The following ATP8B4 variants were observed in gnomAD, a reference collection of about 807,000 sequenced individuals.
ATP8B4 encodes probable phospholipid-transporting ATPase IM.
A neutral mutation model predicts 145.6 loss-of-function variants in ATP8B4; 133 were observed. The ratio of observed to expected loss-of-function variants is 0.91; its 90% CI spans 0.79 to 1.05. The LOEUF is 1.05. Ranked by LOEUF, ATP8B4 falls within the 50% of genes least tolerant of loss-of-function variation. The pLI, the probability that ATP8B4 is intolerant of heterozygous loss-of-function variation, is 0.00. For synonymous variants in ATP8B4, 507 were observed against 492.9 expected (o/e 1.03, Z -0.38); for missense variants, 1,458 against 1,425.2 (o/e 1.02, Z -0.37).
At chr15:50,016,108 T>A (rs998816020) in intron 6 of ATP8B4, among the ~76,000 whole-genome samples, 1 of 152,230 alleles carries the variant, frequency 6.6e-6, no homozygotes, top group African/African-American at 2.4e-5. Flanking sequence ...CACAATTTAG[T>A]CTTCCTATTT....
intron 3 of ATP8B4, among the ~76,000 whole-genome samples, chr15:50,073,075 A>G (rs575163112): frequency 1.5e-4 from 21 of 141,826 alleles, no homozygotes; most frequent in East Asian, 4.2e-4. Context: ...GCATATATAT[A>G]TGTGTGTGTG....
chr15:50,138,128 T>A (rs28403229), intron 1 of ATP8B4, among the ~76,000 whole-genome samples: 76,410 of 151,882 alleles, frequency 0.5, 21,117 homozygotes, highest in African/African-American at 0.74. Flanking sequence ...GAGGGTAGAT[T>A]GGTGCAATCT....
chr15:50,130,975 A>G (rs970907422), intron 1 of ATP8B4, among the ~76,000 whole-genome samples: 1 of 152,156 alleles, frequency 6.6e-6, no homozygotes, highest in African/African-American at 2.4e-5. Flanking sequence ...AGTTCTCAGG[A>G]AACTTACAAT....
chr15:50,018,536 T>A (rs1051381966), intron 6 of ATP8B4, among the ~76,000 whole-genome samples: 3 of 152,190 alleles, frequency 2.0e-5, no homozygotes, highest in Non-Finnish European at 4.4e-5. Flanking sequence ...CCGGAGTATA[T>A]GGATATCTTC....
chr15:50,072,229 C>T (rs2053791704), intron 3 of ATP8B4, among the ~76,000 whole-genome samples: 1 of 152,038 alleles, frequency 6.6e-6, no homozygotes, highest in South Asian at 2.1e-4. Flanking sequence ...TCTCATATTT[C>T]TATGCTTTAA....
chr15:49,917,147 G>T, intron 19 of ATP8B4, 108 bp from the exon 20 acceptor site: 1 of 1,012,778 alleles, frequency 9.9e-7, no homozygotes. Context: ...GCCTACAGGG[G>T]GCTGATGTCA....
intron 5 of ATP8B4, among the ~76,000 whole-genome samples, chr15:50,039,053 C>T (rs1315277966): frequency 6.6e-6 from 1 of 152,186 alleles, no homozygotes; most frequent in Non-Finnish European, 1.5e-5. Context: ...AACAACAAGG[C>T]TAGCCACTAC....
chr15:50,033,788 C>T (rs2050624154), intron 6 of ATP8B4, among the ~76,000 whole-genome samples: 1 of 152,142 alleles, frequency 6.6e-6, no homozygotes, highest in African/African-American at 2.4e-5. Context: ...TAACTAGCCC[C>T]CACTTATAAG....
Position 50,054,374 on chromosome 15 carries a change from G to A in ATP8B4, c.88-6910C>T, listed in dbSNP as rs564610402. 1.4e-4 allele frequency among the ~76,000 whole-genome samples: 22 copies of A among 152,300 alleles called. No individual in the cohort carries two copies. In the South Asian group the frequency reaches 4.4e-3, roughly 30 times the overall value. On this transcript the variant is annotated intron_variant, in intron 3 of 27. Coordinates refer to ENST00000284509, the MANE Select transcript of ATP8B4 (RefSeq NM_024837.4). ...TTACTGGCCAAAAGAGTCACCATGG[G>A]TCCAAAAGACAGAAAGCTAGAAACA...
chr15:50,104,927 T>C (rs1379471106), intron 2 of ATP8B4, among the ~76,000 whole-genome samples: 1 of 147,658 alleles, frequency 6.8e-6, no homozygotes, highest in Non-Finnish European at 1.5e-5. Context: ...GCCATAAGAA[T>C]GAACGAAATA....
chr15:50,035,743 T>G (rs567170297), intron 6 of ATP8B4, among the ~76,000 whole-genome samples: 15 of 152,264 alleles, frequency 9.9e-5, no homozygotes, highest in Admixed American at 7.8e-4. Flanking sequence ...CAGTAATCAC[T>G]TACAAGGACC....
intron 20 of ATP8B4, among the ~76,000 whole-genome samples, chr15:49,916,111 A>G (rs1052631996): frequency 1.3e-5 from 2 of 152,104 alleles, no homozygotes; most frequent in African/African-American, 2.4e-5. Flanking sequence ...TAGAGAAGCT[A>G]CTACAAGCAG....
intron 1 of ATP8B4, among the ~76,000 whole-genome samples, chr15:50,172,053 T>A (rs2140869135): frequency 6.6e-6 from 1 of 152,228 alleles, no homozygotes; most frequent in Non-Finnish European, 1.5e-5. Context: ...ATTGAAATGG[T>A]AAATTAAAAA....
intron 1 of ATP8B4, among the ~76,000 whole-genome samples, chr15:50,162,115 A>G (rs1319846091): frequency 6.6e-6 from 1 of 152,074 alleles, no homozygotes; most frequent in East Asian, 1.9e-4. Flanking sequence ...TAAAGTTTCC[A>G]CTGAAAAGTC....
chr15:49,900,983 G>A (rs1000184316), intron 21 of ATP8B4, 109 bp downstream of exon 21: 2 of 1,370,964 alleles, frequency 1.5e-6, no homozygotes, highest in Non-Finnish European at 2.0e-6. Flanking sequence ...CCTGTATCTA[G>A]TAGTGACATT....
At chr15:50,168,499 G>A (rs1288559376) in intron 1 of ATP8B4, among the ~76,000 whole-genome samples, 1 of 152,158 alleles carries the variant, frequency 6.6e-6, no homozygotes, top group Non-Finnish European at 1.5e-5. Flanking sequence ...TGAAATACAG[G>A]GGTAGAGAAA....
chr15:50,008,708 CAT>C (rs1249506767), intron 7 of ATP8B4, among the ~76,000 whole-genome samples: 1 of 152,106 alleles, frequency 6.6e-6, no homozygotes, highest in Non-Finnish European at 1.5e-5. Flanking sequence ...CATGAGGCAC[CAT>C]AGAGTTAAAA....
chr15:50,139,394 C>T (rs1807432290), intron 1 of ATP8B4, among the ~76,000 whole-genome samples: 1 of 151,892 alleles, frequency 6.6e-6, no homozygotes, highest in African/African-American at 2.4e-5. Flanking sequence ...AAGGAGAATA[C>T]ATGGACACAG....
chr15:50,156,031 TCTC>T (rs1470012909), intron 1 of ATP8B4, among the ~76,000 whole-genome samples: 2 of 140,832 alleles, frequency 1.4e-5, no homozygotes, highest in Non-Finnish European at 3.1e-5. Flanking sequence ...AAAAACAAAA[TCTC>T]CTAATAGCCC....
Sources: gnomAD v4.1 joint callset for allele counts (sites outside exome capture counted in the v4.1 genomes callset) on GRCh38, gnomAD v4.1.1 for gene constraint, MANE v1.5 for transcripts, NCBI Gene and HGNC (gene_info 2026-07-23, HGNC 2026-07-21) for gene names.